MCM5: variants seen among roughly 807,000 people sequenced by gnomAD.
The protein encoded by MCM5 is DNA replication licensing factor MCM5.
Under a neutral mutation model 79.9 loss-of-function variants are expected in MCM5, and 46 were observed. The ratio of observed to expected loss-of-function variants is 0.58; its 90% confidence interval spans 0.45 to 0.74. The LOEUF (loss-of-function observed/expected upper bound fraction) is 0.74. Among genes scored for constraint, MCM5 ranks in the 30% least tolerant of loss-of-function variants. The pLI, the probability that MCM5 is intolerant of heterozygous loss-of-function variation, is 0.00. For synonymous variants in MCM5, 404 were observed against 390.5 expected (o/e 1.03, Z -0.41); for missense variants, 883 against 1,017.0 (o/e 0.87, Z 1.79).
chr22:35,416,533 G>T (rs1932547620), intron 11 of MCM5, 105 bp from the exon 12 acceptor site: 10 of 574,796 alleles, frequency 1.7e-5, no homozygotes, highest in Non-Finnish European at 2.6e-5. Context: ...GTGTGTGTGT[G>T]TGTGTGTGTG....
intron 5 of MCM5, among the ~76,000 whole-genome samples, chr22:35,408,107 T>G (rs1051260292): frequency 2.6e-5 from 4 of 152,156 alleles, no homozygotes; most frequent in Non-Finnish European, 4.4e-5. Flanking sequence ...TCTTCACCCA[T>G]GAGGACACCA....
intron 6 of MCM5, chr22:35,409,864 A>ATC (rs1172987265): frequency 6.6e-6 from 1 of 152,254 alleles, no homozygotes; most frequent in East Asian, 1.9e-4. Context: ...ACAGTCCTTA[A>ATC]TCTCTCAGAG....
chr22:35,434,968 G>A, the MCM5 span, among the ~76,000 whole-genome samples: 1 of 152,070 alleles, frequency 6.6e-6, no homozygotes, highest in Non-Finnish European at 1.5e-5. Context: ...CCTGGCCAAC[G>A]TGGCAAAACC....
chr22:35,445,325 C>CTTTTTTTTTTTTTTTTTTT, the MCM5 span, among the ~76,000 whole-genome samples: 1 of 83,628 alleles, frequency 1.2e-5, no homozygotes, highest in Admixed American at 1.7e-4. Flanking sequence ...TTTGACTATG[C>CTTTTTTTTTTTTTTTTTTT]TTTTTTTTTT....
intron 4 of MCM5, among the ~76,000 whole-genome samples, chr22:35,404,938 C>G (rs1932166852): frequency 6.6e-6 from 1 of 151,534 alleles, no homozygotes; most frequent in African/African-American, 2.4e-5. Context: ...ATGGATAATT[C>G]AAACATTAGA....
the MCM5 span, among the ~76,000 whole-genome samples, chr22:35,448,160 G>A: frequency 5.3e-5 from 8 of 152,188 alleles, no homozygotes; most frequent in African/African-American, 1.2e-4. Flanking sequence ...CCTCAGGGCC[G>A]GACTCTCTAT....
chr22:35,400,182 T>A lies in MCM5; in HGVS notation c.-35T>A. On this transcript the variant is annotated 5_prime_UTR_variant, in exon 1 of 17. Coordinates refer to ENST00000216122, the MANE Select transcript of MCM5 (RefSeq NM_006739.4). ...TGAGCGTGGAGGTTCTTGTCTCCCC[T>A]GGTTTGTGAAGTGCGGAAAACCAGA... 2.0e-6 allele frequency: 1 copy of A among 502,786 alleles called. No homozygotes were observed. The highest frequency in any genetic ancestry group is 3.7e-5 in the East Asian group (1 of 27,162). 31.1% of individuals were successfully genotyped at this position (502,786 alleles called of 1,614,324 possible). A position where few individuals can be genotyped will look rare whatever the true frequency, so the allele number is the denominator to read the frequency against.
chr22:35,439,196 A>C, the MCM5 span, among the ~76,000 whole-genome samples: 67 of 100,056 alleles, frequency 6.7e-4, no homozygotes, highest in Middle Eastern at 0.016. Context: ...TCCACCCACA[A>C]ATTCATCCAT....
At position 35,408,411 on chromosome 22, in the gene MCM5, T is replaced by C; in HGVS notation, c.600T>C (p.Asp200=). The change falls in exon 6 of 17, where the codon GAT becomes GAC. Residue 200 remains aspartate, a synonymous_variant. Transcript: ENST00000216122. The part of the protein sequence containing the change: ...GYALPRKCNT[D]QAGRPKCPLD... Reference sequence around the variant, plus strand: ...TCTTTTCCCTTACCTTGTACAGAGATCAGGCTGGGCGCCCCAAATGCCCAT... The same window carrying C: ...TCTTTTCCCTTACCTTGTACAGAGACCAGGCTGGGCGCCCCAAATGCCCAT... 1 of 1,613,852 alleles carries C rather than the reference T, an allele frequency of 6.2e-7. No individual in the cohort carries two copies. Among genetic ancestry groups the C allele is most frequent in the South Asian group, 1.1e-5 (1 of 91,070 alleles).
At chr22:35,443,105 G>A in the MCM5 span, among the ~76,000 whole-genome samples, 4 of 152,046 alleles carry the variant, frequency 2.6e-5, no homozygotes, top group Non-Finnish European at 4.4e-5. Flanking sequence ...GCCCAGCCCC[G>A]CACCTTCCTC....
the MCM5 span, among the ~76,000 whole-genome samples, chr22:35,437,692 A>G: frequency 2.0e-5 from 3 of 152,212 alleles, no homozygotes; most frequent in African/African-American, 4.8e-5. Flanking sequence ...ATACCTAGCC[A>G]TGAGTCGGGG....
chr22:35,453,785 A>G, the MCM5 span, among the ~76,000 whole-genome samples: 27,151 of 141,478 alleles, frequency 0.19, 3,166 homozygotes, highest in African/African-American at 0.32. Flanking sequence ...AGGAAGACAG[A>G]GATAGAGACA....
Position 35,417,659 on chromosome 22 carries a change from G to A in MCM5, c.1591-85G>A, listed in dbSNP as rs1033984555. 12 of 933,658 alleles carry A rather than the reference G, an allele frequency of 1.3e-5. No individual in the cohort carries two copies. In the East Asian group the frequency reaches 1.4e-4, roughly 11 times the overall value. 57.8% of individuals were successfully genotyped at this position (933,658 alleles called of 1,614,324 possible). ...GCTCCTTGATGCCAGGGCCCCATCAGCTCTTTCTGGCTGTTCCACCTCAGT... is the reference window on the plus strand; with the variant it reads ...GCTCCTTGATGCCAGGGCCCCATCAACTCTTTCTGGCTGTTCCACCTCAGT... On this transcript the variant is annotated intron_variant, in intron 12 of 16. Coordinates refer to ENST00000216122, the MANE Select transcript of MCM5 (RefSeq NM_006739.4).
chr22:35,410,954 G>C (rs566392235), intron 7 of MCM5, 44 bp downstream of exon 7: 1 of 1,530,488 alleles, frequency 6.5e-7, no homozygotes. Flanking sequence ...CTAAAAGGCT[G>C]TGCTTGCATA....
At chr22:35,421,635 G>A (rs773152032) in intron 15 of MCM5, 175 bp downstream of exon 15, 4 of 809,296 alleles carry the variant, frequency 4.9e-6, no homozygotes, top group Non-Finnish European at 6.2e-6. Flanking sequence ...TCTCCCCACC[G>A]CTGTTTCCTC....
chr22:35,400,444 G>A lies in MCM5; in HGVS notation c.6G>A (p.Ser2=), dbSNP rs201861668. M[S]GFDDPGIFYS... Reference sequence around the variant, plus strand: ...TTCCCACCCCAGGCGCAGTCATGTCGGGATTCGACGATCCTGGCATTTTCT... The same window carrying A: ...TTCCCACCCCAGGCGCAGTCATGTCAGGATTCGACGATCCTGGCATTTTCT... The change falls in exon 2 of 17, where the codon TCG becomes TCA. Residue 2 remains serine (S), a synonymous_variant. Coordinates refer to ENST00000216122, the MANE Select transcript of MCM5 (RefSeq NM_006739.4). 84 of 1,614,056 alleles carry A rather than the reference G, an allele frequency of 5.2e-5. 1 individual carries two copies. The South Asian group carries it at 8.5e-4, about 16-fold the overall frequency.
Position 35,425,000 on chromosome 22 carries a change from C to T in MCM5, c.*745C>T, listed in dbSNP as rs923466544. ...CAGCCAGTTCTTTCCTGGTGGGCCA[C>T]GTGTAACTGTGTGGCCTTGGGCGAG... On this transcript the variant is annotated 3_prime_UTR_variant, in exon 17 of 17. Transcript: ENST00000216122. The T allele has an allele frequency of 6.6e-5, 10 of 152,192 alleles. No individual in the cohort carries two copies. Among genetic ancestry groups the T allele is most frequent in the African/African-American group, 2.4e-4 (10 of 41,436 alleles). The allele number at this position is 152,192 out of a possible 1,614,324, so 9.4% of individuals were successfully genotyped here.
intron 2 of MCM5, among the ~76,000 whole-genome samples, chr22:35,401,085 G>T (rs1035366762): frequency 2.0e-5 from 3 of 152,364 alleles, no homozygotes; most frequent in Admixed American, 1.3e-4. Context: ...CTCCCAAAGT[G>T]CTGGGATTAC....
At chr22:35,452,792 C>T in the MCM5 span, among the ~76,000 whole-genome samples, 1 of 152,150 alleles carries the variant, frequency 6.6e-6, no homozygotes, top group South Asian at 2.1e-4. Flanking sequence ...CAAGATAGTT[C>T]TGCCACTTGT....
Sources: allele counts gnomAD v4.1 joint callset (sites outside exome capture counted in the v4.1 genomes callset), GRCh38; gene constraint gnomAD v4.1.1; transcripts MANE v1.5; gene names NCBI Gene and HGNC (gene_info 2026-07-23, HGNC 2026-07-21).